PDE1C: variants seen among roughly 807,000 people sequenced by gnomAD.
PDE1C encodes phosphodiesterase 1C.
In PDE1C, 62 loss-of-function variants were observed where a neutral mutation model predicts 93.1. The ratio of observed to expected loss-of-function variants is 0.67; its 90% CI spans 0.54 to 0.82. The LOEUF is 0.82. Ranked by LOEUF, PDE1C falls within the 40% of genes least tolerant of loss-of-function variation. The pLI is 0.00. For missense variants in PDE1C, 742 were observed against 884.6 expected, an observed-to-expected ratio of 0.84 and a Z score of 2.04; for synonymous variants, 325 against 310.1, an observed-to-expected ratio of 1.05 and a Z score of -0.50.
intron 7 of PDE1C, among the ~76,000 whole-genome samples, chr7:31,862,221 C>T (rs1256044934): frequency 6.6e-6 from 1 of 152,198 alleles, no homozygotes; most frequent in Non-Finnish European, 1.5e-5. Context: ...TTTTAATTCT[C>T]TACAGAGTAT....
At chr7:31,640,151 T>TA in the PDE1C span, among the ~76,000 whole-genome samples, 1 of 152,204 alleles carries the variant, frequency 6.6e-6, no homozygotes, top group Non-Finnish European at 1.5e-5. Flanking sequence ...ATTCTAAGGC[T>TA]AATTATTTCT....
At chr7:31,976,849 T>A (rs1811735857) in intron 2 of PDE1C, among the ~76,000 whole-genome samples, 1 of 152,204 alleles carries the variant, frequency 6.6e-6, no homozygotes, top group South Asian at 2.1e-4. Flanking sequence ...GGCCCTTGTC[T>A]GCCCCTTTAT....
the PDE1C span, among the ~76,000 whole-genome samples, chr7:31,682,251 A>G: frequency 1.3e-5 from 2 of 152,200 alleles, no homozygotes; most frequent in African/African-American, 2.4e-5. Context: ...GCCCTATGTT[A>G]AATATAGGAA....
chr7:32,303,621 A>C (rs1014384272), upstream of PDE1C, among the ~76,000 whole-genome samples: 1 of 152,110 alleles, frequency 6.6e-6, no homozygotes, highest in Non-Finnish European at 1.5e-5. Context: ...AATGGCAGAG[A>C]TAATCTAATT....
intron 1 of PDE1C, among the ~76,000 whole-genome samples, chr7:32,054,613 G>C (rs150208854): frequency 6.6e-6 from 1 of 152,280 alleles, no homozygotes; most frequent in East Asian, 1.9e-4. Context: ...CAAAAGATGG[G>C]TTGTGCATCT....
chr7:32,262,784 A>G (rs1439626161), intron 1 of PDE1C, among the ~76,000 whole-genome samples: 1 of 152,186 alleles, frequency 6.6e-6, no homozygotes, highest in East Asian at 1.9e-4. Context: ...TGGGGATAGT[A>G]TTTTGGAATA....
intron 2 of PDE1C, among the ~76,000 whole-genome samples, chr7:31,888,044 G>A (rs921843222): frequency 1.3e-5 from 2 of 151,810 alleles, no homozygotes; most frequent in Non-Finnish European, 2.9e-5. Context: ...CACGAGGTCA[G>A]GAGATCATAC....
the PDE1C span, among the ~76,000 whole-genome samples, chr7:31,663,472 GCA>G: frequency 3.3e-5 from 5 of 152,194 alleles, no homozygotes; most frequent in Non-Finnish European, 7.3e-5. Context: ...AACAGCTTTT[GCA>G]CAGTTTCAAG....
intron 2 of PDE1C, among the ~76,000 whole-genome samples, chr7:32,002,898 T>C (rs1785667656): frequency 6.6e-6 from 1 of 152,216 alleles, no homozygotes; most frequent in Non-Finnish European, 1.5e-5. Context: ...AACAGAGTGA[T>C]AACTACAAGC....
chr7:32,393,410 C>A (rs1784787287), intron 1 of PDE1C, among the ~76,000 whole-genome samples: 1 of 152,194 alleles, frequency 6.6e-6, no homozygotes, highest in Admixed American at 6.5e-5. Context: ...ACCTTGTTTA[C>A]AGATTTCTTC....
rs1203646898 is a variant in PDE1C at position 32,153,075 on chromosome 7, G to A, written c.308+16710C>T. On this transcript the variant is annotated intron_variant, in intron 3 of 18. Transcript: ENST00000396193. The stretch of plus-strand genomic sequence containing the variant: ...CAATGTCTCAAAGTCAGCCTATCCA[G>A]AGGGAAACGCGGCAGCCACTGAAAT... Among the ~76,000 whole-genome samples, 5 of 152,334 alleles carry A rather than the reference G, an allele frequency of 3.3e-5. No homozygotes were observed. In the East Asian group the frequency reaches 9.6e-4, roughly 29 times the overall value.
the PDE1C span, among the ~76,000 whole-genome samples, chr7:31,709,761 T>TA: frequency 2.6e-5 from 4 of 152,270 alleles, no homozygotes; most frequent in Admixed American, 2.6e-4. Context: ...TCTGGCCAGG[T>TA]AAAGTAGAAA....
chr7:32,408,587 G>C (rs983772830), intron 1 of PDE1C, among the ~76,000 whole-genome samples: 2 of 152,132 alleles, frequency 1.3e-5, no homozygotes, highest in African/African-American at 2.4e-5. Flanking sequence ...TCAGTAGTTC[G>C]AGACCAGCCT....
At chr7:31,954,353 T>A (rs1443715685) in intron 2 of PDE1C, among the ~76,000 whole-genome samples, 2 of 152,018 alleles carry the variant, frequency 1.3e-5, no homozygotes, top group African/African-American at 4.8e-5. Flanking sequence ...AGTACCCAAA[T>A]CACCAGCTGG....
chr7:31,698,646 T>C, the PDE1C span, among the ~76,000 whole-genome samples: 12 of 152,236 alleles, frequency 7.9e-5, no homozygotes, highest in Non-Finnish European at 1.6e-4. Flanking sequence ...ACTTGTCACA[T>C]CCTGGGCTCT....
chr7:31,808,598 C>T (rs996792898), intron 16 of PDE1C, among the ~76,000 whole-genome samples: 1 of 151,364 alleles, frequency 6.6e-6, no homozygotes, highest in Non-Finnish European at 1.5e-5. Flanking sequence ...TTGTTTTAAA[C>T]AAAAATAAGA....
At chr7:32,101,096 A>T (rs1798013037) in intron 3 of PDE1C, among the ~76,000 whole-genome samples, 1 of 152,218 alleles carries the variant, frequency 6.6e-6, no homozygotes, top group African/African-American at 2.4e-5. Flanking sequence ...CCCCCTCAAT[A>T]TAAGTTGTTC....
At chr7:32,087,605 T>A (rs1476960413) in intron 3 of PDE1C, among the ~76,000 whole-genome samples, 2 of 152,180 alleles carry the variant, frequency 1.3e-5, no homozygotes, top group Non-Finnish European at 2.9e-5. Flanking sequence ...CCAACCCAAA[T>A]GTCCAACCAT....
chr7:31,823,776 A>G (rs140911688), intron 13 of PDE1C, among the ~76,000 whole-genome samples: 1 of 152,276 alleles, frequency 6.6e-6, no homozygotes, highest in East Asian at 1.9e-4. Context: ...TGCGGACAGC[A>G]TGGAGATTGT....
Sources: allele counts gnomAD v4.1 joint callset (sites outside exome capture counted in the v4.1 genomes callset), GRCh38; gene constraint gnomAD v4.1.1; transcripts MANE v1.5; gene names NCBI Gene and HGNC (gene_info 2026-07-23, HGNC 2026-07-21).